SLC28A3: variants seen among roughly 807,000 people sequenced by gnomAD.
SLC28A3 encodes concentrative Na(+)-nucleoside cotransporter 3.
Under a neutral mutation model 84.2 loss-of-function variants are expected in SLC28A3, and 68 were observed. The ratio of observed to expected loss-of-function variants is 0.81; its 90% CI spans 0.66 to 0.99. The LOEUF is 0.99. SLC28A3 is among the 50% of genes least tolerant of loss of function. The pLI, the probability that SLC28A3 is intolerant of heterozygous loss-of-function variation, is 0.00. For synonymous variants in SLC28A3, 267 were observed against 303.6 expected (o/e 0.88, Z 1.25); for missense variants, 712 against 841.5 (o/e 0.85, Z 1.90).
chr9:84,297,806 A>T (rs1825472801), intron 7 of SLC28A3, 100 bp downstream of exon 7: 1 of 923,504 alleles, frequency 1.1e-6, no homozygotes, highest in South Asian at 1.6e-5. Flanking sequence ...ATTTGAGACA[A>T]CTCATGCAGA....
At position 84,328,270 on chromosome 9, in the gene SLC28A3, T is replaced by G. The variant is rs1427115802; in HGVS notation, c.60+12304A>C. Among the ~76,000 whole-genome samples, 5 of 148,698 alleles carry G rather than the reference T, an allele frequency of 3.4e-5. No homozygotes were observed. The East Asian group carries it at 9.8e-4, about 29-fold the overall frequency. ...CTATAAATGGATTATACCCTTTAAT[T>G]AAAAGGCAGAGATTTGAAGAACGGA... On this transcript the variant is annotated intron_variant, in intron 1 of 17. Transcript: ENST00000376238.
Position 84,278,222 on chromosome 9 carries a change from A to AATGTATTAGAGATCCCATTGCAG in SLC28A3, c.2049_2071dup (p.Phe691SerfsTer24). 13 of 1,613,388 alleles carry AATGTATTAGAGATCCCATTGCAG rather than the reference A, an allele frequency of 8.1e-6. No individual in the cohort carries two copies. Among genetic ancestry groups the AATGTATTAGAGATCCCATTGCAG allele is most frequent in the Non-Finnish European group, 1.1e-5 (13 of 1,179,600 alleles). Reference sequence around the variant, plus strand: ...CCACTGGAGAAGTGGCTGACCTCAAAATGTATTAGAGATCCCATTGCAGTT... The same window carrying AATGTATTAGAGATCCCATTGCAG: ...CCACTGGAGAAGTGGCTGACCTCAAAATGTATTAGAGATCCCATTGCAGATGTATTAGAGATCCCATTGCAGTT... On this transcript the variant is annotated frameshift_variant, in exon 18 of 18. Coordinates refer to ENST00000376238, the MANE Select transcript of SLC28A3 (RefSeq NM_001199633.2). LOFTEE classifies it high-confidence loss of function.
rs768851918 is a variant in SLC28A3, at chr9:84,312,795, TC to T, written c.156+563del. ...CTCAAGTGATCCGCCCACCTCAGCC[TC>T]CCAAAGTGCTGGGATTACAGGCATA... On this transcript the variant is annotated intron_variant, in intron 2 of 17. Coordinates refer to ENST00000376238, the MANE Select transcript of SLC28A3 (RefSeq NM_001199633.2). 1.8e-4 allele frequency among the ~76,000 whole-genome samples: 28 copies of T among 152,118 alleles called. 1 individual carries two copies. The highest frequency in any genetic ancestry group is 1.6e-3 in the Admixed American group (25 of 15,268).
intron 8 of SLC28A3, 69 bp from the exon 9 acceptor site, chr9:84,294,344 T>G: frequency 1.4e-6 from 2 of 1,424,676 alleles, no homozygotes; most frequent in Non-Finnish European, 2.0e-6. Context: ...ATATCAGGCC[T>G]CCTCTCTGTC....
At chr9:84,302,515 T>G in intron 4 of SLC28A3, 126 bp from the exon 5 acceptor site, 1 of 876,452 alleles carries the variant, frequency 1.1e-6, no homozygotes. Flanking sequence ...AATGCAGGAG[T>G]GCTCTTGATA....
Position 84,279,310 on chromosome 9 carries a change from C to A in SLC28A3, c.1904G>T (p.Gly635Val). Reference protein sequence around the residue: ...LENAFNSTFPGNTTKVIACCQ... With the variant: ...LENAFNSTFPVNTTKVIACCQ... ...ACAAGCTATCACCTTGGTTGTGTTT[C>A]CAGGGAAAGTGGAGTTGAAGGCATT... The change falls in exon 17 of 18, where the codon GGA becomes GTA. Residue 635 changes from glycine (G) to valine (V), a missense_variant. Transcript: ENST00000376238. The A allele has an allele frequency of 6.2e-7, 1 of 1,613,218 alleles. No homozygotes were observed. Among genetic ancestry groups the A allele is most frequent in the Non-Finnish European group, 8.5e-7 (1 of 1,179,542 alleles).
chr9:84,365,062 G>C, the SLC28A3 span, among the ~76,000 whole-genome samples: 1 of 152,170 alleles, frequency 6.6e-6, no homozygotes, highest in Non-Finnish European at 1.5e-5. Context: ...GGATCATATA[G>C]TTGCTCTATT....
intron 8 of SLC28A3, 94 bp from the exon 9 acceptor site, chr9:84,294,369 T>C (rs1825341119): frequency 1.7e-6 from 2 of 1,147,048 alleles, no homozygotes. Context: ...TTTCTCCCTC[T>C]GAAACATCAT....
chr9:84,361,614 C>T, the SLC28A3 span, among the ~76,000 whole-genome samples: 1 of 152,038 alleles, frequency 6.6e-6, no homozygotes, highest in Non-Finnish European at 1.5e-5. Context: ...GTGTTTTGTC[C>T]CCTGTGAGGA....
the SLC28A3 span, among the ~76,000 whole-genome samples, chr9:84,359,046 C>T: frequency 1.3e-5 from 2 of 152,138 alleles, no homozygotes; most frequent in African/African-American, 2.4e-5. Context: ...TCAAGTGATC[C>T]GCCTGCCTCC....
chr9:84,323,609 A>G (rs1037429669), intron 1 of SLC28A3, among the ~76,000 whole-genome samples: 11 of 151,562 alleles, frequency 7.3e-5, no homozygotes, highest in African/African-American at 2.7e-4. Flanking sequence ...ATTTTTAGTA[A>G]AGACGGGGTT....
At chr9:84,340,346 C>CT (rs1827118048) in intron 1 of SLC28A3, among the ~76,000 whole-genome samples, 1 of 152,164 alleles carries the variant, frequency 6.6e-6, no homozygotes, top group African/African-American at 2.4e-5. Flanking sequence ...AGAAGGCTGT[C>CT]TTGTTTCTAA....
chr9:84,317,056 A>G (rs967183069), intron 1 of SLC28A3, among the ~76,000 whole-genome samples: 2 of 151,908 alleles, frequency 1.3e-5, no homozygotes, highest in African/African-American at 4.9e-5. Context: ...TGAGGTGGGT[A>G]CCATGATCCA....
At chr9:84,320,049 T>TTTTTG (rs1826317346) in intron 1 of SLC28A3, among the ~76,000 whole-genome samples, 1 of 130,216 alleles carries the variant, frequency 7.7e-6, no homozygotes. Flanking sequence ...TGTTTTTTTT[T>TTTTTG]TTTTTTTTTT....
At position 84,297,311 on chromosome 9, in the gene SLC28A3, A is replaced by G; in HGVS notation, c.784-13T>C. 6.2e-7 allele frequency: 1 copy of G among 1,604,408 alleles called. No individual in the cohort carries two copies. Among genetic ancestry groups the G allele is most frequent in the Non-Finnish European group, 8.5e-7 (1 of 1,175,456 alleles). Reference sequence around the variant, plus strand: ...ACTCCAGAAAAGTCTGAGTTAAAGAAAGAAAAAGAGATTTCATTCCAACCA... The same window carrying G: ...ACTCCAGAAAAGTCTGAGTTAAAGAGAGAAAAAGAGATTTCATTCCAACCA... On this transcript the variant is annotated splice_polypyrimidine_tract_variant and intron_variant, in intron 7 of 17. Coordinates refer to ENST00000376238, the MANE Select transcript of SLC28A3 (RefSeq NM_001199633.2).
At chr9:84,288,646 G>A (rs942572738) in intron 11 of SLC28A3, among the ~76,000 whole-genome samples, 1 of 151,984 alleles carries the variant, frequency 6.6e-6, no homozygotes, top group Non-Finnish European at 1.5e-5. Flanking sequence ...CCCTGGTCAA[G>A]CGATTCTCCT....
the SLC28A3 span, among the ~76,000 whole-genome samples, chr9:84,350,869 C>T: frequency 4.6e-5 from 7 of 152,062 alleles, no homozygotes; most frequent in Non-Finnish European, 7.4e-5. Context: ...CGCACCACCA[C>T]GTCTGGCTGA....
the SLC28A3 span, among the ~76,000 whole-genome samples, chr9:84,358,937 G>A: frequency 6.6e-6 from 1 of 152,044 alleles, no homozygotes; most frequent in Admixed American, 6.5e-5. Flanking sequence ...CAAGTAGCTG[G>A]GACCACAAGC....
the SLC28A3 span, among the ~76,000 whole-genome samples, chr9:84,363,010 G>A: frequency 2.4e-4 from 37 of 152,262 alleles, no homozygotes; most frequent in South Asian, 1.7e-3. Context: ...GAACATGTTC[G>A]TGAATGGTGA....
Sources: gnomAD v4.1 joint callset for allele counts (sites outside exome capture counted in the v4.1 genomes callset) on GRCh38, gnomAD v4.1.1 for gene constraint, MANE v1.5 for transcripts, NCBI Gene and HGNC (gene_info 2026-07-23, HGNC 2026-07-21) for gene names.